KMT2C: variants seen among roughly 807,000 people sequenced by gnomAD.
KMT2C encodes histone-lysine N-methyltransferase 2C.
In KMT2C, 88 loss-of-function variants were observed where a neutral mutation model predicts 507.9. The ratio of observed to expected loss-of-function variants is 0.17; its 90% CI spans 0.15 to 0.21. KMT2C has a LOEUF of 0.21. Ranked by LOEUF, KMT2C falls within the 10% of genes least tolerant of loss-of-function variation. The pLI is 1.00. For missense variants in KMT2C, 4,954 were observed against 5,957.8 expected, an observed-to-expected ratio of 0.83 and a Z score of 5.55; for synonymous variants, 2,049 against 2,080.8, an observed-to-expected ratio of 0.98 and a Z score of 0.42.
At position 152,252,255 on chromosome 7, in the gene KMT2C, T is replaced by C. The variant is rs150290580; in HGVS notation, c.1470-165A>G. ...ACAAAGGTTTTTTAAAGCACATTTG[T>C]GCATGTCACTAGAGATGCTGCCGTA... is the stretch of plus-strand genomic sequence containing the variant. On this transcript the variant is annotated intron_variant, in intron 10 of 58. Coordinates refer to ENST00000262189, the MANE Select transcript of KMT2C (RefSeq NM_170606.3). Among the ~76,000 whole-genome samples the C allele has an allele frequency of 2.6e-4, 40 of 152,372 alleles. No individual in the cohort carries two copies. In the East Asian group the frequency reaches 7.5e-3, roughly 29 times the overall value.
chr7:152,145,984 G>A (rs1233990690), intron 53 of KMT2C, among the ~76,000 whole-genome samples: 2 of 152,142 alleles, frequency 1.3e-5, no homozygotes, highest in Non-Finnish European at 2.9e-5. Flanking sequence ...AGTGGCTTTT[G>A]GGGTTTCCTC....
chr7:152,315,715 G>C (rs558122264), intron 3 of KMT2C, among the ~76,000 whole-genome samples: 1 of 152,102 alleles, frequency 6.6e-6, no homozygotes, highest in Non-Finnish European at 1.5e-5. Context: ...GTGGAAGTTC[G>C]AGACCAGCCT....
chr7:152,363,339 A>C (rs1290221385), intron 1 of KMT2C, among the ~76,000 whole-genome samples: 1 of 152,208 alleles, frequency 6.6e-6, no homozygotes, highest in Non-Finnish European at 1.5e-5. Context: ...AAGTAAAAGA[A>C]TACAACTAAC....
intron 1 of KMT2C, among the ~76,000 whole-genome samples, chr7:152,388,263 AAT>A (rs1271655745): frequency 4.6e-5 from 7 of 152,258 alleles, no homozygotes; most frequent in Non-Finnish European, 1.0e-4. Flanking sequence ...CTGCTAAATA[AAT>A]AAGTATGCTC....
intron 1 of KMT2C, among the ~76,000 whole-genome samples, chr7:152,414,145 G>A (rs1412639560): frequency 5.6e-4 from 85 of 151,754 alleles, no homozygotes; most frequent in Admixed American, 8.6e-4. Context: ...AGGAGGCAGA[G>A]GTTGCAGTGA....
chr7:152,378,457 TTTAAA>T (rs1255105922), intron 1 of KMT2C, among the ~76,000 whole-genome samples: 1 of 152,266 alleles, frequency 6.6e-6, no homozygotes, highest in Non-Finnish European at 1.5e-5. Flanking sequence ...ATAAAGTATT[TTTAAA>T]TTAAAGTATG....
chr7:152,156,161 G>C (rs371404666), intron 45 of KMT2C, 44 bp downstream of exon 45: 1 of 1,604,158 alleles, frequency 6.2e-7, no homozygotes, highest in East Asian at 2.2e-5. Flanking sequence ...AACTGGCAGA[G>C]GCACATTTCT....
chr7:152,275,880 T>G (rs1364997640), intron 6 of KMT2C, among the ~76,000 whole-genome samples: 1 of 152,234 alleles, frequency 6.6e-6, no homozygotes, highest in Non-Finnish European at 1.5e-5. Flanking sequence ...TGGCAAGTTT[T>G]GCAGAAGCCT....
chr7:152,182,696 C>T lies in KMT2C; in HGVS notation c.5266-102G>A, dbSNP rs190190686. On this transcript the variant is annotated intron_variant, in intron 35 of 58. Transcript: ENST00000262189. ...AGAAAGTTAATTTGTTTGATGTCAG[C>T]GCTACCAGATTGCTCCCATATTAGA... 1.6e-4 allele frequency: 174 copies of T among 1,057,860 alleles called. 2 individuals carry two copies. In the Middle Eastern group the frequency reaches 1.8e-3, roughly 11 times the overall value. 65.5% of individuals were successfully genotyped at this position (1,057,860 alleles called of 1,614,324 possible). A position where few individuals can be genotyped will look rare whatever the true frequency, so the allele number is the denominator to read the frequency against.
At chr7:152,213,827 T>C (rs2094510972) in intron 23 of KMT2C, among the ~76,000 whole-genome samples, 1 of 147,252 alleles carries the variant, frequency 6.8e-6, no homozygotes, top group Admixed American at 6.8e-5. Flanking sequence ...ACACATCTGA[T>C]AAGGGGTTAA....
rs776248493 is a variant in KMT2C at position 152,273,876 on chromosome 7, G to T, written c.850-9C>A. 1.9e-6 allele frequency: 3 copies of T among 1,608,922 alleles called. No individual in the cohort carries two copies. The highest frequency in any genetic ancestry group is 2.2e-5 in the East Asian group (1 of 44,730). Reference sequence around the variant, plus strand: ...TTACAAAATGCACATCGCTGAAAGGGGTAAAGGAGAGAAATCTCTTTATAA... The same window carrying T: ...TTACAAAATGCACATCGCTGAAAGGTGTAAAGGAGAGAAATCTCTTTATAA... On this transcript the variant is annotated splice_polypyrimidine_tract_variant and intron_variant, in intron 6 of 58. Transcript: ENST00000262189.
chr7:152,136,254 T>A lies in KMT2C; in HGVS notation c.*578A>T. On this transcript the variant is annotated 3_prime_UTR_variant, in exon 59 of 59. Coordinates refer to ENST00000262189, the MANE Select transcript of KMT2C (RefSeq NM_170606.3). ...GAATCAAGTATTTAAATGTATTTAG[T>A]GCAAGTTATTATCCCTTAGCTCTAT... 4.7e-6 allele frequency: 1 copy of A among 214,084 alleles called. No homozygotes were observed. Among genetic ancestry groups the A allele is most frequent in the Non-Finnish European group, 9.5e-6 (1 of 105,730 alleles). 13.3% of individuals were successfully genotyped at this position (214,084 alleles called of 1,614,324 possible). A position where few individuals can be genotyped will look rare whatever the true frequency, so the allele number is the denominator to read the frequency against.
chr7:152,356,913 A>G (rs1198269114), intron 2 of KMT2C, among the ~76,000 whole-genome samples: 1 of 145,450 alleles, frequency 6.9e-6, no homozygotes, highest in East Asian at 2.0e-4. Context: ...TAATAATAAT[A>G]ATAATAATAA....
intron 2 of KMT2C, among the ~76,000 whole-genome samples, chr7:152,336,283 A>G (rs1243801443): frequency 6.6e-6 from 1 of 152,174 alleles, no homozygotes; most frequent in Non-Finnish European, 1.5e-5. Flanking sequence ...GTCACTCTTC[A>G]TTTGGTAGAC....
At chr7:152,188,878 G>A (rs1201385438) in intron 31 of KMT2C, among the ~76,000 whole-genome samples, 1 of 151,884 alleles carries the variant, frequency 6.6e-6, no homozygotes, top group Non-Finnish European at 1.5e-5. Context: ...CAAAGTGCTG[G>A]GATTACAGGT....
Position 152,145,286 on chromosome 7 carries a change from C to T in KMT2C, c.14041G>A (p.Val4681Ile). Residue 4681 changes from valine (V) to isoleucine (I), a missense_variant, in exon 54 of 59, where the codon GTT (valine) becomes ATT (isoleucine). By Grantham distance (29) the Val-to-Ile change is conservative (BLOSUM62 3). Coordinates refer to ENST00000262189, the MANE Select transcript of KMT2C (RefSeq NM_170606.3). ...VARIAESLPG[V>I]EACENYTFRY... ...AAGGTATAATTTTCACATGCCTCAACCCCAGGAAGCTGAAAAGAAGCAAAG... is the reference window on the plus strand; with the variant it reads ...AAGGTATAATTTTCACATGCCTCAATCCCAGGAAGCTGAAAAGAAGCAAAG... 1 of 1,613,800 alleles carries T rather than the reference C, an allele frequency of 6.2e-7. No homozygotes were observed. Among genetic ancestry groups the T allele is most frequent in the African/African-American group, 1.3e-5 (1 of 74,998 alleles).
At chr7:152,290,041 A>T (rs1245646435) in intron 6 of KMT2C, among the ~76,000 whole-genome samples, 1 of 149,320 alleles carries the variant, frequency 6.7e-6, no homozygotes, top group Admixed American at 6.7e-5. Flanking sequence ...ATTCTGTCTC[A>T]AAACAAACAA....
intron 3 of KMT2C, among the ~76,000 whole-genome samples, chr7:152,326,142 A>C (rs532648505): frequency 1.3e-5 from 2 of 152,304 alleles, no homozygotes; most frequent in South Asian, 4.1e-4. Context: ...TATCAAGTAA[A>C]GCAATCCTTC....
At chr7:152,216,701 A>G (rs1274005602) in intron 23 of KMT2C, among the ~76,000 whole-genome samples, 1 of 152,240 alleles carries the variant, frequency 6.6e-6, no homozygotes, top group East Asian at 1.9e-4. Flanking sequence ...TTAAGCTCAT[A>G]GAATAATTGT....
Sources: gnomAD v4.1 joint callset for allele counts (sites outside exome capture counted in the v4.1 genomes callset) on GRCh38, gnomAD v4.1.1 for gene constraint, MANE v1.5 for transcripts, NCBI Gene and HGNC (gene_info 2026-07-23, HGNC 2026-07-21) for gene names.